The following KRIT1 variants were observed in gnomAD, a reference collection of about 807,000 sequenced individuals.
KRIT1 encodes the protein KRIT1 ankyrin repeat containing.
KRIT1 carries 45 observed loss-of-function variants against 95.8 expected under a neutral mutation model. The observed-to-expected ratio is 0.47, with a 90% confidence interval of 0.37 to 0.60. KRIT1 has a LOEUF of 0.60. KRIT1 is among the 20% of genes least tolerant of loss of function. KRIT1 has a pLI of 0.00. For synonymous variants in KRIT1, 282 were observed against 278.8 expected (o/e 1.01, Z -0.11); for missense variants, 788 against 877.5 (o/e 0.90, Z 1.29).
At chr7:92,237,344 C>G (rs1285705075) in intron 6 of KRIT1, among the ~76,000 whole-genome samples, 1 of 152,010 alleles carries the variant, frequency 6.6e-6, no homozygotes, top group Non-Finnish European at 1.5e-5. Flanking sequence ...ACTTAAGGAT[C>G]AATTTTTATT....
chr7:92,228,307 T>C (rs185394571), intron 10 of KRIT1, among the ~76,000 whole-genome samples: 9 of 152,308 alleles, frequency 5.9e-5, no homozygotes, highest in Admixed American at 4.6e-4. Flanking sequence ...CAAAGACTTA[T>C]GTAAGGCTGC....
At chr7:92,238,454 A>C (rs963329444) in intron 5 of KRIT1, among the ~76,000 whole-genome samples, 3 of 152,214 alleles carry the variant, frequency 2.0e-5, no homozygotes, top group Non-Finnish European at 4.4e-5. Context: ...GTAAATGATA[A>C]GACTTCAAAT....
At chr7:92,206,938 C>CAAAAAAAAAAAAAAAAAAAAAAAAAA (rs199771149) in intron 17 of KRIT1, 3 of 73,984 alleles carry the variant, frequency 4.1e-5, no homozygotes, top group Admixed American at 1.5e-4. Context: ...CCCAGGCAGA[C>CAAAAAAAAAAAAAAAAAAAAAAAAAA]AAAAAAAAAA....
chr7:92,242,966 G>C (rs1034618521), intron 3 of KRIT1, among the ~76,000 whole-genome samples: 1 of 152,104 alleles, frequency 6.6e-6, no homozygotes, highest in Non-Finnish European at 1.5e-5. Flanking sequence ...TAACAGGCGT[G>C]TGCCACCATG....
intron 4 of KRIT1, 51 bp from the exon 5 acceptor site, chr7:92,241,203 C>A: frequency 7.7e-7 from 1 of 1,295,698 alleles, no homozygotes; most frequent in South Asian, 1.2e-5. Context: ...TCTACTTGCC[C>A]TAGAATACTA....
chr7:92,226,655 T>C lies in KRIT1; in HGVS notation c.1017A>G (p.Ile339Met). 4 of 1,613,542 alleles carry C rather than the reference T, an allele frequency of 2.5e-6. No individual in the cohort carries two copies. Among genetic ancestry groups the C allele is most frequent in the South Asian group, 1.1e-5 (1 of 91,036 alleles). Residue 339 changes from isoleucine (I) to methionine (M), a missense_variant, in exon 11 of 19, where the codon ATA becomes ATG. Physicochemically the swap from Ile to Met is conservative, Grantham distance 10. This residue lies in a region of KRIT1 where 493 missense variants were observed against 582.3 expected (regional missense o/e 0.85). Coordinates refer to ENST00000394505, the MANE Select transcript of KRIT1 (RefSeq NM_194454.3). ...GATTGCACTTTCCTTTCTCTAACAA[T>C]ATGCGAGTGGCCTCAACTTTTCCAT... Reference protein sequence around the residue: ...CWYGKVEATRILLEKGKCNPN... With the variant: ...CWYGKVEATRMLLEKGKCNPN...
chr7:92,200,837 A>G, intron 18 of KRIT1, 33 bp from the exon 19 acceptor site: 1 of 1,428,950 alleles, frequency 7.0e-7, no homozygotes, highest in South Asian at 1.2e-5. Context: ...AATAAATATA[A>G]AACATGTAAG....
At chr7:92,226,732 T>C (rs1796284690) in intron 10 of KRIT1, 50 bp from the exon 11 acceptor site, 1 of 1,550,856 alleles carries the variant, frequency 6.4e-7, no homozygotes, top group East Asian at 2.2e-5. Flanking sequence ...AAAACTTACC[T>C]AAAAAGATCA....
chr7:92,233,158 TTA>T (rs1390339631), intron 10 of KRIT1, among the ~76,000 whole-genome samples: 156 of 74,992 alleles, frequency 2.1e-3, no homozygotes, highest in African/African-American at 8.1e-3. Context: ...AAAGATCTTT[TTA>T]TACACACACA....
intron 17 of KRIT1, among the ~76,000 whole-genome samples, chr7:92,205,334 G>A (rs1371458743): frequency 4.6e-5 from 7 of 151,866 alleles, no homozygotes; most frequent in Admixed American, 1.3e-4. Flanking sequence ...CAACAAAAGC[G>A]AAACTCATCT....
chr7:92,209,964 T>C (rs1281592070), intron 17 of KRIT1, among the ~76,000 whole-genome samples: 2 of 151,868 alleles, frequency 1.3e-5, no homozygotes, highest in African/African-American at 2.4e-5. Context: ...TCCCAGCTAC[T>C]TGGGAGGCCG....
chr7:92,237,525 A>G (rs1798674931), intron 6 of KRIT1, 142 bp downstream of exon 6: 2 of 427,746 alleles, frequency 4.7e-6, no homozygotes, highest in South Asian at 5.9e-5. Context: ...TTTAAGTAAC[A>G]TATTTCCCTT....
intron 14 of KRIT1, among the ~76,000 whole-genome samples, chr7:92,220,847 CCAT>C (rs986794503): frequency 6.6e-6 from 1 of 151,926 alleles, no homozygotes; most frequent in South Asian, 2.1e-4. Context: ...GCGCCCACCA[CCAT>C]GCCTAATTTT....
At chr7:92,236,821 C>T (rs559720628) in intron 6 of KRIT1, among the ~76,000 whole-genome samples, 2 of 152,252 alleles carry the variant, frequency 1.3e-5, no homozygotes, top group South Asian at 4.1e-4. Context: ...TCCAATGCTA[C>T]TTAAGATACT....
In KRIT1 at chr7:92,213,955, T is replaced by C; in HGVS notation, c.1755A>G (p.Val585=). 3 of 1,608,772 alleles carry C rather than the reference T, an allele frequency of 1.9e-6. No individual in the cohort carries two copies. The highest frequency in any genetic ancestry group is 1.7e-6 in the Non-Finnish European group (2 of 1,175,334). Residue 585 remains valine (V), a synonymous_variant, in exon 16 of 19, where the codon GTA becomes GTG. Transcript: ENST00000394505. The part of the protein sequence containing the change: ...FLNEENLKSI[V]PVTKLKSKAP... ...CCTTACTTTTCAGTTTGGTAACAGG[T>C]ACGATGGATTTTAGATTTTCTTCAC...
chr7:92,222,605 T>C (rs571798525), intron 13 of KRIT1, among the ~76,000 whole-genome samples: 1 of 152,306 alleles, frequency 6.6e-6, no homozygotes, highest in African/African-American at 2.4e-5. Flanking sequence ...GTTTTGTTTT[T>C]TAATTATTAA....
chr7:92,225,586 C>G, intron 12 of KRIT1, 134 bp downstream of exon 12: 1 of 672,112 alleles, frequency 1.5e-6, no homozygotes, highest in Non-Finnish European at 2.7e-6. Flanking sequence ...AGCCACCATA[C>G]CTGGCCTACA....
At chr7:92,237,562 T>A in intron 6 of KRIT1, 105 bp downstream of exon 6, 1 of 505,728 alleles carries the variant, frequency 2.0e-6, no homozygotes, top group Admixed American at 3.6e-5. Flanking sequence ...ATGTATTTTA[T>A]AATATTATAG....
At chr7:92,200,841 A>C in intron 18 of KRIT1, 37 bp from the exon 19 acceptor site, 1 of 1,400,232 alleles carries the variant, frequency 7.1e-7, no homozygotes, top group Non-Finnish European at 1.0e-6. Context: ...AATATAAAAC[A>C]TGTAAGAATC....
Sources: gnomAD v4.1 joint callset for allele counts (sites outside exome capture counted in the v4.1 genomes callset) on GRCh38, gnomAD v4.1.1 for gene constraint, gnomAD v4.1.1 regional missense constraint, MANE v1.5 for transcripts, NCBI Gene and HGNC (gene_info 2026-07-23, HGNC 2026-07-21) for gene names.